The following YES1 variants were observed in gnomAD, a reference collection of about 807,000 sequenced individuals.
YES1 encodes the protein YES proto-oncogene 1, Src family tyrosine kinase.
Under a neutral mutation model 70.4 loss-of-function variants are expected in YES1, and 39 were observed. The observed-to-expected ratio is 0.55, with a 90% CI of 0.43 to 0.72. The LOEUF (loss-of-function observed/expected upper bound fraction) is 0.72. YES1 is among the 30% of genes least tolerant of loss of function. The pLI, the probability that YES1 is intolerant of heterozygous loss-of-function variation, is 0.00. For missense variants in YES1, 495 were observed against 644.8 expected (o/e 0.77, Z 2.52); for synonymous variants, 198 against 218.6 (o/e 0.91, Z 0.83).
chr18:733,782 C>CAAAAA lies in YES1; in HGVS notation c.1292-822_1292-818dup, dbSNP rs71174280. ...TGGGCAACAGAGTGAGACTCCGTCTCAAAAAAAAAAAAAAAAAAAAAAAAA... is the reference window on the plus strand; with the variant it reads ...TGGGCAACAGAGTGAGACTCCGTCTCAAAAAAAAAAAAAAAAAAAAAAAAAAAAAA... On this transcript the variant is annotated intron_variant, in intron 10 of 11. Coordinates refer to ENST00000314574, the MANE Select transcript of YES1 (RefSeq NM_005433.4). Among the ~76,000 whole-genome samples the CAAAAA allele has an allele frequency of 2.4e-4, 14 of 59,248 alleles. 1 individual carries two copies. The highest frequency in any genetic ancestry group is 2.6e-4 in the Admixed American group (1 of 3,796). 38.9% of individuals were successfully genotyped at this position (59,248 alleles called of 152,430 possible).
At chr18:809,193 G>T (rs1441846828) in intron 1 of YES1, among the ~76,000 whole-genome samples, 4 of 152,126 alleles carry the variant, frequency 2.6e-5, no homozygotes, top group African/African-American at 4.8e-5. Flanking sequence ...TGTAAAACCT[G>T]TGTCTTCTGT....
intron 1 of YES1, among the ~76,000 whole-genome samples, chr18:777,772 A>C (rs1361070198): frequency 6.6e-5 from 10 of 150,510 alleles, no homozygotes; most frequent in Non-Finnish European, 1.5e-4. Flanking sequence ...ACGCCATTAC[A>C]CTCCAGCCTG....
chr18:765,430 GCT>G (rs1374322718), intron 1 of YES1, among the ~76,000 whole-genome samples: 1 of 135,442 alleles, frequency 7.4e-6, no homozygotes, highest in East Asian at 2.2e-4. Context: ...ACGGAGTCTC[GCT>G]CTGTCGCCCA....
intron 8 of YES1, 24 bp from the exon 9 acceptor site, chr18:739,835 A>G: frequency 1.3e-6 from 2 of 1,576,764 alleles, no homozygotes; most frequent in South Asian, 1.1e-5. Flanking sequence ...CAAGATATTC[A>G]TAAAAAATAA....
rs8096895 is a variant in YES1 at position 757,299 on chromosome 18, T to G, written c.-8-464A>C. Among the ~76,000 whole-genome samples the G allele has an allele frequency of 3.1e-3, 477 of 151,490 alleles. 3 individuals carry two copies. Among genetic ancestry groups the G allele is most frequent in the African/African-American group, 0.01 (415 of 41,300 alleles). On this transcript the variant is annotated intron_variant, in intron 1 of 11. Coordinates refer to ENST00000314574, the MANE Select transcript of YES1 (RefSeq NM_005433.4). ...CGGGCGGATCACGAGGTCAGGAGAT[T>G]GAGACCATCCTGGCTAACACGGTGA...
At chr18:726,609 CT>C (rs1470190647) in intron 11 of YES1, among the ~76,000 whole-genome samples, 2 of 150,498 alleles carry the variant, frequency 1.3e-5, no homozygotes, top group Admixed American at 6.6e-5. Flanking sequence ...GCGAAACCCC[CT>C]CTCTACTAAA....
intron 1 of YES1, among the ~76,000 whole-genome samples, chr18:780,612 G>C (rs1028605836): frequency 2.6e-5 from 4 of 152,132 alleles, no homozygotes; most frequent in African/African-American, 9.7e-5. Context: ...CCAGTTTCAA[G>C]TATTCTGAAA....
Position 744,689 on chromosome 18 carries a change from CTTTTTTTTT to C in YES1, c.724+1010_724+1018del, listed in dbSNP as rs71174284. Reference sequence around the variant, plus strand: ...ACAGGAGTGAGCCACCACGCCTGGCCTTTTTTTTTTTTTTTTTTTTTTTTTTAAGAGATG... The same window carrying C: ...ACAGGAGTGAGCCACCACGCCTGGCCTTTTTTTTTTTTTTTTTAAGAGATG... On this transcript the variant is annotated intron_variant, in intron 6 of 11. Coordinates refer to ENST00000314574, the MANE Select transcript of YES1 (RefSeq NM_005433.4). 3.6e-3 allele frequency among the ~76,000 whole-genome samples: 204 copies of C among 56,876 alleles called. 1 individual carries two copies. The highest frequency in any genetic ancestry group is 0.011 in the African/African-American group (182 of 16,128). The allele number at this position is 56,876 out of a possible 152,430, so 37.3% of individuals were successfully genotyped here.
intron 1 of YES1, among the ~76,000 whole-genome samples, chr18:763,703 CA>C (rs71174286): frequency 0.021 from 1,368 of 63,712 alleles, 3 homozygotes; most frequent in Non-Finnish European, 0.027. Flanking sequence ...ATCCTGTCTT[CA>C]AAAAAAAAAA....
chr18:778,669 G>C (rs1905504542), intron 1 of YES1, among the ~76,000 whole-genome samples: 1 of 152,126 alleles, frequency 6.6e-6, no homozygotes. Context: ...TAAATTTAGA[G>C]ACTTAACTTC....
chr18:734,249 A>G (rs1460617074), intron 10 of YES1, among the ~76,000 whole-genome samples: 1 of 149,214 alleles, frequency 6.7e-6, no homozygotes, highest in Non-Finnish European at 1.5e-5. Context: ...ACTTCACTCC[A>G]GTCTGGGCAA....
intron 1 of YES1, among the ~76,000 whole-genome samples, chr18:786,713 G>A (rs906946340): frequency 2.0e-5 from 3 of 152,100 alleles, no homozygotes; most frequent in Non-Finnish European, 4.4e-5. Flanking sequence ...GAATAAGAAC[G>A]TATGGGAAAA....
intron 9 of YES1, chr18:737,225 G>T: frequency 3.6e-6 from 1 of 276,552 alleles, no homozygotes; most frequent in South Asian, 7.0e-5. Context: ...GGCCGAGGCA[G>T]GTGGATCATT....
At chr18:800,631 C>A (rs767447200) in intron 1 of YES1, among the ~76,000 whole-genome samples, 4 of 152,168 alleles carry the variant, frequency 2.6e-5, no homozygotes, top group Non-Finnish European at 5.9e-5. Context: ...GAAAAGGCTA[C>A]TAAGATGGTG....
At chr18:788,518 C>T (rs1018376365) in intron 1 of YES1, among the ~76,000 whole-genome samples, 13 of 152,168 alleles carry the variant, frequency 8.5e-5, no homozygotes, top group African/African-American at 2.2e-4. Context: ...AGCACATACA[C>T]GTATGGAAGT....
chr18:759,455 G>A (rs556500267), intron 1 of YES1, among the ~76,000 whole-genome samples: 9 of 152,300 alleles, frequency 5.9e-5, no homozygotes, highest in African/African-American at 1.7e-4. Context: ...CGACAAGAAC[G>A]AAACTCCGTC....
intron 1 of YES1, chr18:775,123 T>C (rs1360352486): frequency 6.6e-6 from 1 of 152,146 alleles, no homozygotes; most frequent in African/African-American, 2.4e-5. Context: ...CTGTAAAATA[T>C]AAAAGTAAAC....
chr18:811,008 A>T (rs903815321), intron 1 of YES1, among the ~76,000 whole-genome samples: 1 of 152,220 alleles, frequency 6.6e-6, no homozygotes, highest in Non-Finnish European at 1.5e-5. Flanking sequence ...AGTCACGTGT[A>T]TACATTTAGT....
intron 1 of YES1, among the ~76,000 whole-genome samples, chr18:786,896 A>T (rs1419915481): frequency 6.6e-5 from 10 of 152,074 alleles, no homozygotes; most frequent in African/African-American, 2.2e-4. Context: ...TGATTTATTT[A>T]AAAAAGCTCA....
Sources: allele counts gnomAD v4.1 joint callset (sites outside exome capture counted in the v4.1 genomes callset), GRCh38; gene constraint gnomAD v4.1.1; transcripts MANE v1.5; gene names NCBI Gene and HGNC (gene_info 2026-07-23, HGNC 2026-07-21).